UBN2: variants seen among roughly 807,000 people sequenced by gnomAD.
UBN2 encodes ubinuclein-2.
UBN2 carries 35 observed loss-of-function variants against 120.2 expected under a neutral mutation model. The ratio of observed to expected loss-of-function variants is 0.29; its 90% CI spans 0.22 to 0.39. UBN2 has a LOEUF of 0.39. Ranked by LOEUF, UBN2 falls within the 10% of genes least tolerant of loss-of-function variation. The probability of loss-of-function intolerance (pLI) is 1.00; values close to 1 mark genes in which losing one functional copy is unlikely to be tolerated. For synonymous variants in UBN2, 661 were observed against 648.7 expected, an observed-to-expected ratio of 1.02 and a Z score of -0.29; for missense variants, 1,693 against 1,663.2, an observed-to-expected ratio of 1.02 and a Z score of -0.31.
At chr7:139,245,620 C>T (rs552594200) in intron 2 of UBN2, among the ~76,000 whole-genome samples, 1 of 152,118 alleles carries the variant, frequency 6.6e-6, no homozygotes. Context: ...ACAACAGAAC[C>T]TGTTTGTTTA....
In UBN2 at chr7:139,273,942, G is replaced by A; in HGVS notation, c.1841G>A (p.Cys614Tyr). The change falls in exon 11 of 18, where the codon TGT becomes TAT. Residue 614 changes from cysteine (C) to tyrosine (Y), a missense_variant. Transcript: ENST00000473989. ...HWDDTIRTLLCNLVEIKLGCY... is the reference protein window; with the variant it reads ...HWDDTIRTLLYNLVEIKLGCY... ...TTCAATCTGTTTAGAACTTTGTTATGTAACCTTGTTGAGATCAAATTGGGA... is the reference window on the plus strand; with the variant it reads ...TTCAATCTGTTTAGAACTTTGTTATATAACCTTGTTGAGATCAAATTGGGA... 1.9e-6 allele frequency: 3 copies of A among 1,600,644 alleles called. No homozygotes were observed. Among genetic ancestry groups the A allele is most frequent in the Non-Finnish European group, 2.5e-6 (3 of 1,176,530 alleles).
At position 139,236,997 on chromosome 7, in the gene UBN2, T is replaced by C; in HGVS notation, c.469-8T>C. 6.3e-7 allele frequency: 1 copy of C among 1,594,422 alleles called. No homozygotes were observed. The highest frequency in any genetic ancestry group is 8.6e-7 in the Non-Finnish European group (1 of 1,166,608). ...CTTCTCTTTCTTTTCCCATTCACCT[T>C]GAATCAGAAGAAGCTCATTCACACA... is the stretch of plus-strand genomic sequence containing the variant. On this transcript the variant is annotated splice_polypyrimidine_tract_variant and splice_region_variant and intron_variant, in intron 1 of 17. Transcript: ENST00000473989.
At chr7:139,296,883 A>G (rs1019272341) in intron 17 of UBN2, among the ~76,000 whole-genome samples, 3 of 152,094 alleles carry the variant, frequency 2.0e-5, no homozygotes, top group African/African-American at 7.2e-5. Flanking sequence ...CCTGGAAAAC[A>G]TAGCAAGACT....
intron 6 of UBN2, among the ~76,000 whole-genome samples, chr7:139,263,279 C>G (rs919273927): frequency 6.6e-6 from 1 of 152,176 alleles, no homozygotes; most frequent in Non-Finnish European, 1.5e-5. Flanking sequence ...AATTTCAACA[C>G]TCTTTAATTG....
the UBN2 span, among the ~76,000 whole-genome samples, chr7:139,317,819 T>C: frequency 0.073 from 11,068 of 152,086 alleles, 823 homozygotes; most frequent in African/African-American, 0.19. Flanking sequence ...CCCGCCACCA[T>C]GCCCAGGTAA....
intron 3 of UBN2, among the ~76,000 whole-genome samples, chr7:139,253,914 G>T (rs1371766497): frequency 6.6e-6 from 1 of 152,106 alleles, no homozygotes; most frequent in African/African-American, 2.4e-5. Context: ...TTATAAAGTT[G>T]ATGACAGAAC....
chr7:139,319,011 T>G, the UBN2 span, among the ~76,000 whole-genome samples: 2 of 152,190 alleles, frequency 1.3e-5, no homozygotes, highest in African/African-American at 4.8e-5. Flanking sequence ...GCGTTTTTCA[T>G]TCTCAGCAAT....
chr7:139,237,485 G>A (rs1796196195), intron 2 of UBN2, among the ~76,000 whole-genome samples: 1 of 151,838 alleles, frequency 6.6e-6, no homozygotes, highest in Admixed American at 6.6e-5. Flanking sequence ...TGGTAGAGAC[G>A]GGGTTTCACC....
At chr7:139,321,629 C>T in the UBN2 span, among the ~76,000 whole-genome samples, 1 of 151,828 alleles carries the variant, frequency 6.6e-6, no homozygotes, top group African/African-American at 2.4e-5. Flanking sequence ...GGGCAGGTAC[C>T]CTAGTGTCCA....
rs562189702 is a variant in UBN2 at position 139,306,576 on chromosome 7, G to A, written c.*8740G>A. The A allele has an allele frequency of 3.8e-4, 58 of 152,294 alleles. No homozygotes were observed. Among genetic ancestry groups the A allele is most frequent in the African/African-American group, 1.4e-3 (57 of 41,560 alleles). The allele number at this position is 152,294 out of a possible 1,614,324, so 9.4% of individuals were successfully genotyped here. ...AATCAATGGGCCTTTCCCCATTAGA[G>A]GTAGGTTCCCAGCCTACAAGTATTT... On this transcript the variant is annotated 3_prime_UTR_variant, in exon 18 of 18. Transcript: ENST00000473989.
chr7:139,297,698 TA>T (rs1319612894), intron 17 of UBN2, 88 bp from the exon 18 acceptor site: 1 of 1,210,224 alleles, frequency 8.3e-7, no homozygotes, highest in Non-Finnish European at 1.2e-6. Context: ...CCACAAAAGA[TA>T]AAAGTTAATT....
Position 139,231,522 on chromosome 7 carries a change from C to G in UBN2, c.38C>G (p.Ser13Ter). 1 of 1,419,704 alleles carries G rather than the reference C, an allele frequency of 7.0e-7. No individual in the cohort carries two copies. Among genetic ancestry groups the G allele is most frequent in the Non-Finnish European group, 9.3e-7 (1 of 1,079,022 alleles). 87.9% of individuals were successfully genotyped at this position (1,419,704 alleles called of 1,614,324 possible). Residue 13 changes from serine to a stop codon, truncating the protein, a stop_gained, in exon 1 of 18, where the codon TCA becomes TGA. Coordinates refer to ENST00000473989, the MANE Select transcript of UBN2 (RefSeq NM_173569.4). LOFTEE classifies it high-confidence loss of function. ...CGCAGAGTAGCGTTCATTAGCTTGT[C>G]ACCGGTGCGGCGGCGCGAGGCCGAG... ...EPRRVAFISLSPVRRREAEYP... is the reference protein window; with the variant it reads ...EPRRVAFISL
At position 139,307,652 on chromosome 7, in the gene UBN2, C is replaced by A. The variant is rs1798384509; in HGVS notation, c.*9816C>A. 6.6e-6 allele frequency: 1 copy of A among 152,096 alleles called. No homozygotes were observed. Among genetic ancestry groups the A allele is most frequent in the Non-Finnish European group, 1.5e-5 (1 of 68,032 alleles). The allele number at this position is 152,096 out of a possible 1,614,324, so 9.4% of individuals were successfully genotyped here. A position where few individuals can be genotyped will look rare whatever the true frequency, so the allele number is the denominator to read the frequency against. On this transcript the variant is annotated 3_prime_UTR_variant, in exon 18 of 18. Coordinates refer to ENST00000473989, the MANE Select transcript of UBN2 (RefSeq NM_173569.4). Reference sequence around the variant, plus strand: ...ATGGACAAACTGCTGCTACTGAACCCTGCACTGAGCCGAGGTATTTCCATT... The same window carrying A: ...ATGGACAAACTGCTGCTACTGAACCATGCACTGAGCCGAGGTATTTCCATT...
At chr7:139,321,401 G>T in the UBN2 span, among the ~76,000 whole-genome samples, 1 of 152,246 alleles carries the variant, frequency 6.6e-6, no homozygotes, top group Non-Finnish European at 1.5e-5. Flanking sequence ...AGTGTGACAT[G>T]TCTTCTGGAG....
intron 6 of UBN2, among the ~76,000 whole-genome samples, chr7:139,262,650 G>A (rs1796973677): frequency 6.7e-6 from 1 of 149,814 alleles, no homozygotes; most frequent in South Asian, 2.1e-4. Context: ...GGAGGCAGAG[G>A]TTACAGTGAG....
chr7:139,270,018 G>A (rs566368221), intron 8 of UBN2, among the ~76,000 whole-genome samples: 87 of 152,178 alleles, frequency 5.7e-4, no homozygotes, highest in South Asian at 2.1e-4. Flanking sequence ...CTGTGTTGCC[G>A]AGGCTGGTCT....
At chr7:139,274,127 T>C in intron 11 of UBN2, 53 bp downstream of exon 11, 2 of 1,507,812 alleles carry the variant, frequency 1.3e-6, no homozygotes, top group South Asian at 2.7e-5. Flanking sequence ...ATTGCTGTTA[T>C]TAAAGATATA....
At chr7:139,243,962 T>C (rs1490677657) in intron 2 of UBN2, among the ~76,000 whole-genome samples, 1 of 152,200 alleles carries the variant, frequency 6.6e-6, no homozygotes, top group Non-Finnish European at 1.5e-5. Flanking sequence ...ACTTTGGTAG[T>C]GAACATTTGG....
chr7:139,315,732 A>G, the UBN2 span, among the ~76,000 whole-genome samples: 1 of 152,116 alleles, frequency 6.6e-6, no homozygotes, highest in Non-Finnish European at 1.5e-5. Context: ...TAGTAGCTGA[A>G]CCATTTTACA....
Sources: gnomAD v4.1 joint callset for allele counts (sites outside exome capture counted in the v4.1 genomes callset) on GRCh38, gnomAD v4.1.1 for gene constraint, MANE v1.5 for transcripts, NCBI Gene and HGNC (gene_info 2026-07-23, HGNC 2026-07-21) for gene names.